KIAA0825: variants seen among roughly 807,000 people sequenced by gnomAD.
The protein encoded by KIAA0825 is uncharacterized protein KIAA0825.
A neutral mutation model predicts 147.6 loss-of-function variants in KIAA0825; 119 were observed. The observed-to-expected ratio is 0.81, with a 90% CI of 0.69 to 0.94. The LOEUF (loss-of-function observed/expected upper bound fraction) is 0.94, where lower values mean the gene tolerates loss of function less well. Ranked by LOEUF, KIAA0825 falls within the 40% of genes least tolerant of loss-of-function variation. The pLI is 0.00. For synonymous variants in KIAA0825, 470 were observed against 518.1 expected (o/e 0.91, Z 1.26); for missense variants, 1,381 against 1,472.7 (o/e 0.94, Z 1.02).
chr5:94,558,905 G>A (rs896452851), intron 2 of KIAA0825, among the ~76,000 whole-genome samples: 4 of 152,120 alleles, frequency 2.6e-5, no homozygotes, highest in African/African-American at 7.2e-5. Context: ...ATAACAAACA[G>A]ATCTTGCTAA....
intron 20 of KIAA0825, among the ~76,000 whole-genome samples, chr5:94,255,245 T>C (rs1263303610): frequency 6.6e-6 from 1 of 151,670 alleles, no homozygotes; most frequent in Non-Finnish European, 1.5e-5. Context: ...ATCATGACAT[T>C]GGGAAGGCAT....
intron 1 of KIAA0825, chr5:94,593,785 G>A: frequency 3.0e-6 from 1 of 338,138 alleles, no homozygotes; most frequent in South Asian, 2.7e-5. Flanking sequence ...CCAAAGTAGG[G>A]AGTTTTTTTG....
intron 3 of KIAA0825, among the ~76,000 whole-genome samples, chr5:94,530,643 G>T (rs1770601654): frequency 6.6e-6 from 1 of 152,130 alleles, no homozygotes; most frequent in Non-Finnish European, 1.5e-5. Flanking sequence ...CATGACAAGG[G>T]TCTTTTCCTG....
intron 1 of KIAA0825, among the ~76,000 whole-genome samples, chr5:94,601,923 G>A (rs1786535160): frequency 6.6e-6 from 1 of 152,196 alleles, no homozygotes; most frequent in African/African-American, 2.4e-5. Flanking sequence ...ACTGACTGGT[G>A]TACCTGAAAG....
chr5:94,272,837 G>C (rs1777053327), intron 20 of KIAA0825, among the ~76,000 whole-genome samples: 1 of 152,162 alleles, frequency 6.6e-6, no homozygotes, highest in South Asian at 2.1e-4. Flanking sequence ...ACAGATGCCA[G>C]GGGGATGGAA....
At chr5:94,591,755 A>G (rs1454648452) in intron 1 of KIAA0825, among the ~76,000 whole-genome samples, 1 of 152,194 alleles carries the variant, frequency 6.6e-6, no homozygotes, top group Non-Finnish European at 1.5e-5. Context: ...GGTAATTTAT[A>G]AAGAAAAATA....
chr5:94,489,903 A>AG (rs1380778731), intron 5 of KIAA0825, among the ~76,000 whole-genome samples: 20 of 151,844 alleles, frequency 1.3e-4, no homozygotes, highest in Admixed American at 2.0e-4. Flanking sequence ...AAAAAAAAAA[A>AG]AAAGAAAGAA....
At chr5:94,279,728 G>A (rs1777377581) in intron 20 of KIAA0825, among the ~76,000 whole-genome samples, 1 of 151,936 alleles carries the variant, frequency 6.6e-6, no homozygotes, top group African/African-American at 2.4e-5. Flanking sequence ...GGCATCAGGG[G>A]AAGATAATTA....
intron 1 of KIAA0825, among the ~76,000 whole-genome samples, chr5:94,605,766 C>G (rs1472887459): frequency 2.0e-5 from 3 of 152,134 alleles, no homozygotes; most frequent in Admixed American, 6.5e-5. Context: ...GAACATACCT[C>G]AAAATAATAA....
chr5:94,477,631 C>G (rs541973120), intron 6 of KIAA0825, among the ~76,000 whole-genome samples: 1 of 152,038 alleles, frequency 6.6e-6, no homozygotes, highest in South Asian at 2.1e-4. Context: ...GGTGGTATTT[C>G]CTAGCATGTT....
chr5:94,534,966 A>G (rs1333261640), intron 3 of KIAA0825, among the ~76,000 whole-genome samples: 1 of 152,152 alleles, frequency 6.6e-6, no homozygotes, highest in East Asian at 1.9e-4. Context: ...CATAAAATAC[A>G]TAAATATATA....
chr5:94,231,181 G>A (rs1774667182), intron 20 of KIAA0825, among the ~76,000 whole-genome samples: 1 of 152,132 alleles, frequency 6.6e-6, no homozygotes, highest in African/African-American at 2.4e-5. Context: ...AGGGGGAACT[G>A]TAAAAAGGTC....
intron 2 of KIAA0825, among the ~76,000 whole-genome samples, chr5:94,539,580 A>G (rs1021331041): frequency 1.3e-5 from 2 of 152,114 alleles, no homozygotes; most frequent in Non-Finnish European, 2.9e-5. Flanking sequence ...AAACCCCCCA[A>G]TCCAAAGGAA....
At chr5:94,493,891 A>G (rs930313931) in intron 5 of KIAA0825, among the ~76,000 whole-genome samples, 5 of 152,148 alleles carry the variant, frequency 3.3e-5, no homozygotes, top group African/African-American at 4.8e-5. Context: ...AGGTAGATGT[A>G]TAGACAGAGA....
intron 12 of KIAA0825, among the ~76,000 whole-genome samples, chr5:94,458,844 C>T (rs1004993578): frequency 5.9e-5 from 9 of 151,872 alleles, no homozygotes; most frequent in Non-Finnish European, 1.2e-4. Context: ...TCATATACCA[C>T]AAGATTTACC....
chr5:94,320,964 G>A (rs2150244097), intron 20 of KIAA0825, among the ~76,000 whole-genome samples: 1 of 152,132 alleles, frequency 6.6e-6, no homozygotes, highest in South Asian at 2.1e-4. Context: ...CAGGAGAAGG[G>A]AAAATGAAAA....
chr5:94,311,962 C>T (rs1227545527), intron 20 of KIAA0825, among the ~76,000 whole-genome samples: 2 of 151,586 alleles, frequency 1.3e-5, no homozygotes, highest in African/African-American at 2.4e-5. Flanking sequence ...TATGGGTGCC[C>T]ACCAGAGCTC....
chr5:94,591,852 TGGTAGGCAAGAGA>T (rs1262241472), intron 1 of KIAA0825, among the ~76,000 whole-genome samples: 2 of 152,156 alleles, frequency 1.3e-5, no homozygotes, highest in African/African-American at 4.8e-5. Context: ...TATTACATGA[TGGTAGGCAAGAGA>T]GCTTGTGCAA....
intron 20 of KIAA0825, among the ~76,000 whole-genome samples, chr5:94,242,906 C>T (rs1177588987): frequency 2.6e-5 from 4 of 152,126 alleles, no homozygotes; most frequent in African/African-American, 9.7e-5. Context: ...CAGGTGTGAG[C>T]CACCTGCTTG....
Sources: gnomAD v4.1 joint callset for allele counts (sites outside exome capture counted in the v4.1 genomes callset) on GRCh38, gnomAD v4.1.1 for gene constraint, MANE v1.5 for transcripts, NCBI Gene and HGNC (gene_info 2026-07-23, HGNC 2026-07-21) for gene names.